Variants in FOCAD observed in about 807,000 individuals in gnomAD.
FOCAD encodes the protein KIAA1797.
In FOCAD, 198 loss-of-function variants were observed where a neutral mutation model predicts 225.6. That is an observed-to-expected ratio of 0.88 (90% CI 0.78 to 0.99). The LOEUF is 0.99. FOCAD is among the 50% of genes least tolerant of loss of function. The pLI, the probability that FOCAD is intolerant of heterozygous loss-of-function variation, is 0.00. For synonymous variants in FOCAD, 897 were observed against 755.0 expected, an observed-to-expected ratio of 1.19 and a Z score of -3.08; for missense variants, 2,713 against 2,123.6, an observed-to-expected ratio of 1.28 and a Z score of -5.46.
chr9:20,969,988 A>G (rs1305114172), intron 35 of FOCAD, among the ~76,000 whole-genome samples: 3 of 45,014 alleles, frequency 6.7e-5, no homozygotes, highest in South Asian at 1.6e-3. Flanking sequence ...TTTTTCGATG[A>G]CAGTTTTTTT....
At chr9:20,974,518 T>G (rs4404992) in intron 35 of FOCAD, among the ~76,000 whole-genome samples, 3,546 of 47,254 alleles carry the variant, frequency 0.075, 2 homozygotes, top group East Asian at 0.2. Context: ...CTTCTCCTTT[T>G]TCCTATGTTT....
chr9:20,921,236 C>G (rs1834397274), intron 24 of FOCAD, among the ~76,000 whole-genome samples: 1 of 152,212 alleles, frequency 6.6e-6, no homozygotes, highest in Admixed American at 6.5e-5. Flanking sequence ...TAATGTAATA[C>G]TTTGTCCCTA....
At chr9:20,659,927 GGA>G (rs1821661865) in intron 2 of FOCAD, among the ~76,000 whole-genome samples, 1 of 152,208 alleles carries the variant, frequency 6.6e-6, no homozygotes, top group Non-Finnish European at 1.5e-5. Flanking sequence ...AAAAATTAAT[GGA>G]GAGAGAGTGG....
At chr9:20,680,387 G>A (rs780146208), upstream of FOCAD, among the ~76,000 whole-genome samples, 2 of 152,114 alleles carry the variant, frequency 1.3e-5, no homozygotes, top group East Asian at 1.9e-4. Context: ...GTGTAACCCC[G>A]TCTCTACCAA....
chr9:20,770,371 C>G (rs1158310234), intron 8 of FOCAD, 133 bp downstream of exon 8: 4 of 791,174 alleles, frequency 5.1e-6, no homozygotes, highest in Non-Finnish European at 7.9e-6. Context: ...GTGCTGGCAT[C>G]TGCTTAGCTT....
At chr9:20,926,056 T>C (rs1390167239) in intron 25 of FOCAD, among the ~76,000 whole-genome samples, 2 of 152,242 alleles carry the variant, frequency 1.3e-5, no homozygotes, top group African/African-American at 2.4e-5. Context: ...TTGCAGCATC[T>C]ATCCTCTTCT....
At chr9:20,926,512 G>GC in intron 26 of FOCAD, 95 bp downstream of exon 26, 2 of 777,288 alleles carry the variant, frequency 2.6e-6, no homozygotes, top group South Asian at 1.5e-5. Context: ...GGCCAGGCGC[G>GC]GTGGCTCACG....
chr9:20,745,945 GTTTATTT>G (rs1828003911), intron 5 of FOCAD, among the ~76,000 whole-genome samples: 2 of 152,160 alleles, frequency 1.3e-5, no homozygotes, highest in Admixed American at 6.5e-5. Flanking sequence ...ATAGTATATA[GTTTATTT>G]GGAGGGAGAG....
Position 20,951,029 on chromosome 9 carries a change from T to C in FOCAD, c.3982T>C (p.Ser1328Pro). ...TGTCTCTGGGGTGATTGGTCTCCAG[T>C]CAAATGCAGTCTGGCTTCTTGGACA... ...ISVSGVIGLQ[S>P]NAVWLLGHLH... The change falls in exon 34 of 44, where the codon TCA becomes CCA. Residue 1328 changes from serine (S) to proline (P), a missense_variant. Transcript: ENST00000338382. 6.2e-7 allele frequency: 1 copy of C among 1,613,630 alleles called. No individual in the cohort carries two copies. The highest frequency in any genetic ancestry group is 8.5e-7 in the Non-Finnish European group (1 of 1,179,614).
rs187822750 is a variant in FOCAD, at chr9:20,675,883, T to C, written c.-78+17057T>C. On this transcript the variant is annotated intron_variant, in intron 2 of 45. Coordinates refer to the FOCAD transcript ENST00000380249. ...ATGAGTTGACAGGTATTACCAATAG[T>C]GCTCAGTTGCTTATTCAAGGAGTCA... is the stretch of plus-strand genomic sequence containing the variant. Among the ~76,000 whole-genome samples, 32 of 152,320 alleles carry C rather than the reference T, an allele frequency of 2.1e-4. No individual in the cohort carries two copies. In the East Asian group the frequency reaches 6.0e-3, roughly 28 times the overall value.
chr9:20,677,494 C>G (rs1822267777), intron 2 of FOCAD, among the ~76,000 whole-genome samples: 1 of 151,974 alleles, frequency 6.6e-6, no homozygotes, highest in Admixed American at 6.6e-5. Flanking sequence ...ATAGAAAATA[C>G]AAAGAATTCA....
chr9:20,670,015 T>C, intron 2 of FOCAD, among the ~76,000 whole-genome samples: 1 of 152,184 alleles, frequency 6.6e-6, no homozygotes, highest in East Asian at 1.9e-4. Flanking sequence ...TTAAAAGTCA[T>C]TTAAAATTTT....
chr9:20,694,946 A>G (rs1823233205), intron 1 of FOCAD, among the ~76,000 whole-genome samples: 1 of 152,194 alleles, frequency 6.6e-6, no homozygotes, highest in East Asian at 1.9e-4. Context: ...AAGTTTCCCA[A>G]ATATAATATA....
intron 15 of FOCAD, among the ~76,000 whole-genome samples, chr9:20,851,783 A>G (rs1184854809): frequency 6.6e-6 from 1 of 151,852 alleles, no homozygotes; most frequent in African/African-American, 2.4e-5. Flanking sequence ...TAATAATCAC[A>G]TAGTCTAGTT....
At chr9:20,713,489 C>A (rs115763048) in intron 1 of FOCAD, among the ~76,000 whole-genome samples, 3,360 of 152,246 alleles carry the variant, frequency 0.022, 120 homozygotes, top group African/African-American at 0.077. Context: ...GCACTTCTCC[C>A]ATTTCTCATC....
At chr9:20,978,659 C>T (rs971390906) in intron 37 of FOCAD, among the ~76,000 whole-genome samples, 4 of 152,230 alleles carry the variant, frequency 2.6e-5, no homozygotes, top group Admixed American at 2.6e-4. Flanking sequence ...CATGCTTTAG[C>T]TACCATTTAT....
intron 19 of FOCAD, 196 bp downstream of exon 19, chr9:20,875,003 C>A (rs548336889): frequency 6.8e-5 from 42 of 616,702 alleles, no homozygotes; most frequent in Non-Finnish European, 9.0e-5. Flanking sequence ...AAAAACGTTA[C>A]ATCTGAGTAG....
intron 10 of FOCAD, 85 bp from the exon 11 acceptor site, chr9:20,789,266 A>T (rs1205709400): frequency 2.4e-5 from 35 of 1,458,428 alleles, no homozygotes; most frequent in Admixed American, 7.3e-5. Flanking sequence ...GATATCTTAC[A>T]ATGAAATATA....
chr9:20,791,973 C>G (rs1211441961), intron 11 of FOCAD, among the ~76,000 whole-genome samples: 1 of 152,200 alleles, frequency 6.6e-6, no homozygotes, highest in African/African-American at 2.4e-5. Context: ...ATTATCCTGT[C>G]TCAGCATTCT....
Sources: gnomAD v4.1 joint callset for allele counts (sites outside exome capture counted in the v4.1 genomes callset) on GRCh38, gnomAD v4.1.1 for gene constraint, MANE v1.5 for transcripts, NCBI Gene and HGNC (gene_info 2026-07-23, HGNC 2026-07-21) for gene names.